The following EDA variants were observed in gnomAD, a reference collection of about 807,000 sequenced individuals.
The protein encoded by EDA is ectodysplasin-A.
A neutral mutation model predicts 23.6 loss-of-function variants in EDA; 2 were observed. The ratio of observed to expected loss-of-function variants is 0.08; its 90% CI spans 0.03 to 0.27. The LOEUF (loss-of-function observed/expected upper bound fraction) is 0.27. Among genes scored for constraint, EDA ranks in the 10% least tolerant of loss-of-function variants. The pLI, the probability that EDA is intolerant of heterozygous loss-of-function variation, is 1.00. For missense variants in EDA, 229 were observed against 324.2 expected (o/e 0.71, Z 2.26); for synonymous variants, 131 against 132.0 (o/e 0.99, Z 0.05).
At chrX:69,780,091 C>T (rs2014897251) in intron 1 of EDA, among the ~76,000 whole-genome samples, 1 of 68,291 alleles carries the variant, frequency 1.5e-5, no homozygotes, top group Non-Finnish European at 2.7e-5. Flanking sequence ...TATATGTATA[C>T]AGATATGGTT....
chrX:69,864,996 A>C lies in EDA; in HGVS notation c.397-92031A>C, dbSNP rs774201509. Among the ~76,000 whole-genome samples, 450 of 111,146 alleles carry C rather than the reference A, an allele frequency of 4.0e-3. 7 individuals carry two copies. Among genetic ancestry groups the C allele is most frequent in the Non-Finnish European group, 6.0e-3 (321 of 53,074 alleles). ...AGAGCGAGACTCCATCTTGAAATAA[A>C]AAACATGATACAGGATATGAAAGAA... On this transcript the variant is annotated intron_variant, in intron 1 of 7. Coordinates refer to ENST00000374552, the MANE Select transcript of EDA (RefSeq NM_001399.5).
Position 69,944,352 on chromosome X carries a change from G to A in EDA, c.397-12675G>A, listed in dbSNP as rs137862665. Among the ~76,000 whole-genome samples the A allele has an allele frequency of 4.5e-3, 503 of 112,287 alleles. 3 individuals are homozygous for A. Among genetic ancestry groups the A allele is most frequent in the African/African-American group, 0.016 (488 of 30,899 alleles). ...GAGTACTGCCTGGCTACCACTGCTG[G>A]TTTTTCAGGGGCCAAAGGCTCTTCA... On this transcript the variant is annotated intron_variant, in intron 1 of 7. Transcript: ENST00000374552.
At chrX:69,699,442 A>T (rs1360070772) in intron 1 of EDA, among the ~76,000 whole-genome samples, 1 of 111,154 alleles carries the variant, frequency 9.0e-6, no homozygotes, top group Non-Finnish European at 1.9e-5. Context: ...TAGAGCATAC[A>T]CTTGGAGGAG....
chrX:70,027,294 T>G (rs974243631), intron 3 of EDA, among the ~76,000 whole-genome samples: 1 of 111,495 alleles, frequency 9.0e-6, no homozygotes, highest in African/African-American at 3.3e-5. Context: ...AGACACAGAC[T>G]GATCTCCTGG....
At chrX:69,699,050 C>T (rs1380501640) in intron 1 of EDA, among the ~76,000 whole-genome samples, 1 of 110,896 alleles carries the variant, frequency 9.0e-6, no homozygotes, top group East Asian at 2.9e-4. Context: ...GTGCCTGGCC[C>T]CGGGCTTGGT....
chrX:69,715,064 A>ATTTTTTTTTTT (rs60745776), intron 1 of EDA, among the ~76,000 whole-genome samples: 1 of 80,160 alleles, frequency 1.2e-5, no homozygotes, highest in Non-Finnish European at 2.4e-5. Flanking sequence ...CTTTCAACCC[A>ATTTTTTTTTTT]TTTTTTTTTT....
chrX:69,749,418 T>A (rs2013737946), intron 1 of EDA, among the ~76,000 whole-genome samples: 1 of 97,624 alleles, frequency 1.0e-5, no homozygotes, highest in African/African-American at 3.8e-5. Context: ...TGTGTCTTTA[T>A]AGCAGCATGA....
In EDA at chrX:69,945,312, A is replaced by T. The variant is rs2018818652; in HGVS notation, c.397-11715A>T. On this transcript the variant is annotated intron_variant, in intron 1 of 7. Transcript: ENST00000374552. ...AATGTCATTTTAATGGGATCTTGGG[A>T]GAGAGAGGAGCTAAAACTGTTTGGT... Among the ~76,000 whole-genome samples the T allele has an allele frequency of 2.7e-5, 3 of 111,617 alleles. 1 individual carries two copies. The highest frequency in any genetic ancestry group is 5.6e-5 in the Non-Finnish European group (3 of 53,155).
At chrX:69,764,020 T>C (rs1182293064) in intron 1 of EDA, among the ~76,000 whole-genome samples, 1 of 109,683 alleles carries the variant, frequency 9.1e-6, no homozygotes, top group Admixed American at 9.8e-5. Context: ...AGAGAAGAGA[T>C]GAGCTAGCCA....
chrX:69,757,999 G>A (rs900156322), intron 1 of EDA, among the ~76,000 whole-genome samples: 1 of 112,181 alleles, frequency 8.9e-6, no homozygotes, highest in Non-Finnish European at 1.9e-5. Flanking sequence ...TCATTATGGA[G>A]TCATCATGCT....
chrX:69,764,098 A>C (rs2014393361), intron 1 of EDA, among the ~76,000 whole-genome samples: 1 of 109,471 alleles, frequency 9.1e-6, no homozygotes, highest in South Asian at 4.0e-4. Context: ...AGAACAAAGG[A>C]AAGTGTATAT....
chrX:69,746,255 G>T, intron 1 of EDA, among the ~76,000 whole-genome samples: 1 of 111,324 alleles, frequency 9.0e-6, no homozygotes, highest in Admixed American at 9.6e-5. Context: ...GCCCCAGGTT[G>T]CCATGGAAAT....
intron 1 of EDA, among the ~76,000 whole-genome samples, chrX:69,952,603 G>A (rs1400436685): frequency 8.9e-6 from 1 of 111,792 alleles, no homozygotes; most frequent in Non-Finnish European, 1.9e-5. Context: ...ATACAGGCAG[G>A]CAGTTCTCTT....
chrX:69,638,115 C>T (rs1932799163), intron 1 of EDA, among the ~76,000 whole-genome samples: 2 of 111,860 alleles, frequency 1.8e-5, no homozygotes, highest in South Asian at 3.7e-4. Flanking sequence ...CTCTGCTACT[C>T]CTTGCAAAGA....
intron 1 of EDA, among the ~76,000 whole-genome samples, chrX:69,813,224 C>T (rs1404809675): frequency 8.9e-6 from 1 of 111,888 alleles, no homozygotes; most frequent in African/African-American, 3.2e-5. Flanking sequence ...CCAGTCTTAC[C>T]AGTCTTACCT....
At chrX:69,879,014 TG>T (rs2017696259) in intron 1 of EDA, among the ~76,000 whole-genome samples, 1 of 111,153 alleles carries the variant, frequency 9.0e-6, no homozygotes, top group Non-Finnish European at 1.9e-5. Flanking sequence ...GTAATATTAT[TG>T]AACATTCTAC....
intron 1 of EDA, among the ~76,000 whole-genome samples, chrX:69,863,595 ATGTATATATATG>A (rs2017433335): frequency 2.2e-5 from 2 of 91,308 alleles, no homozygotes; most frequent in Non-Finnish European, 4.3e-5. Context: ...ATATACATAT[ATGTATATATATG>A]TGTGTATATA....
intron 2 of EDA, among the ~76,000 whole-genome samples, chrX:69,976,033 A>C (rs1188891219): frequency 9.0e-6 from 1 of 111,551 alleles, no homozygotes; most frequent in Non-Finnish European, 1.9e-5. Context: ...AAAGCTATTT[A>C]GTTTGTCTTT....
chrX:69,726,651 T>C (rs747806564), intron 1 of EDA, among the ~76,000 whole-genome samples: 7 of 112,518 alleles, frequency 6.2e-5, no homozygotes, highest in Non-Finnish European at 1.1e-4. Context: ...AATAGAACTT[T>C]ATTGTTTTAC....
Sources: gnomAD v4.1 joint callset for allele counts (sites outside exome capture counted in the v4.1 genomes callset) on GRCh38, gnomAD v4.1.1 for gene constraint, MANE v1.5 for transcripts, NCBI Gene and HGNC (gene_info 2026-07-23, HGNC 2026-07-21) for gene names.